GOSR1: variants seen among roughly 807,000 people sequenced by gnomAD.
GOSR1 encodes golgi SNAP receptor complex member 1, also known as 28 kDa Golgi SNARE protein.
A neutral mutation model predicts 35.5 loss-of-function variants in GOSR1; 21 were observed. The observed-to-expected ratio is 0.59, with a 90% confidence interval of 0.42 to 0.85. The LOEUF (loss-of-function observed/expected upper bound fraction) is 0.85, where lower values mean the gene tolerates loss of function less well. GOSR1 is among the 40% of genes least tolerant of loss of function. GOSR1 has a pLI of 0.00. For synonymous variants in GOSR1, 94 were observed against 106.6 expected, an observed-to-expected ratio of 0.88 and a Z score of 0.73; for missense variants, 285 against 309.6, an observed-to-expected ratio of 0.92 and a Z score of 0.60.
At chr17:30,482,073 ATAAT>A (rs989926978) in intron 2 of GOSR1, among the ~76,000 whole-genome samples, 1 of 152,172 alleles carries the variant, frequency 6.6e-6, no homozygotes, top group Non-Finnish European at 1.5e-5. Context: ...TTAAAAAATG[ATAAT>A]TACTCATTCC....
chr17:30,507,870 A>G (rs1418517004), intron 6 of GOSR1, among the ~76,000 whole-genome samples: 1 of 152,234 alleles, frequency 6.6e-6, no homozygotes, highest in Admixed American at 6.5e-5. Context: ...GATGGATTCT[A>G]CTGGTGAAGA....
intron 6 of GOSR1, among the ~76,000 whole-genome samples, chr17:30,501,123 G>A (rs955820350): frequency 1.4e-4 from 22 of 151,796 alleles, no homozygotes; most frequent in Non-Finnish European, 2.1e-4. Context: ...CTCGTGATCC[G>A]CCCGCCTCGG....
intron 1 of GOSR1, chr17:30,478,016 T>C (rs1334230875): frequency 1.4e-6 from 1 of 738,344 alleles, no homozygotes; most frequent in African/African-American, 1.9e-5. Context: ...CAGGACTGGG[T>C]GTTTGAAGGA....
At chr17:30,479,996 T>C (rs1264651851) in intron 1 of GOSR1, 1 of 152,102 alleles carries the variant, frequency 6.6e-6, no homozygotes, top group South Asian at 2.1e-4. Context: ...TAACTTTTTT[T>C]CTTTATGTTC....
chr17:30,477,457 C>T lies in GOSR1; in HGVS notation c.24C>T (p.Tyr8=), dbSNP rs770413644. The T allele has an allele frequency of 8.7e-6, 14 of 1,608,156 alleles. No individual in the cohort carries two copies. Among genetic ancestry groups the T allele is most frequent in the Admixed American group, 1.7e-5 (1 of 59,466 alleles). The stretch of plus-strand genomic sequence containing the variant: ...AGATGGCGGCAGGGACCAGCAGTTA[C>T]TGGGAAGGTGAGGGCGAGAAGGCCT... MAAGTSS[Y]WEDLRKQARQ... Residue 8 remains tyrosine (Y), a synonymous_variant, in exon 1 of 9, where the codon TAC becomes TAT. Coordinates refer to ENST00000451249, the MANE Select transcript of GOSR1 (RefSeq NM_001007025.2).
chr17:30,525,213 T>C lies in GOSR1; in HGVS notation c.*2835T>C, dbSNP rs1438550550. The C allele has an allele frequency of 6.6e-6, 1 of 152,250 alleles. No homozygotes were observed. The highest frequency in any genetic ancestry group is 1.5e-5 in the Non-Finnish European group (1 of 68,044). 9.4% of individuals were successfully genotyped at this position (152,250 alleles called of 1,614,324 possible). On this transcript the variant is annotated 3_prime_UTR_variant, in exon 9 of 9. Coordinates refer to ENST00000451249, the MANE Select transcript of GOSR1 (RefSeq NM_001007025.2). ...ACATCATGGTGTATAGATGCTGTTA[T>C]TCAGGCGAACTTGCTCATGGGTGGA...
At chr17:30,477,947 G>A (rs1443297379) in intron 1 of GOSR1, 1 of 984,818 alleles carries the variant, frequency 1.0e-6, no homozygotes. Context: ...AGTATGAAGA[G>A]AATAGGAGAC....
intron 6 of GOSR1, among the ~76,000 whole-genome samples, chr17:30,497,818 G>A (rs1967054203): frequency 6.6e-6 from 1 of 152,188 alleles, no homozygotes; most frequent in Admixed American, 6.5e-5. Flanking sequence ...CCGCGCTTTA[G>A]GAGGCCGAGG....
chr17:30,484,175 T>C lies in GOSR1; in HGVS notation c.147-39T>C, dbSNP rs190899687. On this transcript the variant is annotated intron_variant, in intron 2 of 8. Transcript: ENST00000451249. The stretch of plus-strand genomic sequence containing the variant: ...TTTTAAGTATGTTTTAAAGGACTGA[T>C]TTGAGTAATGGATCCTCTTTAACTG... 27 of 1,005,844 alleles carry C rather than the reference T, an allele frequency of 2.7e-5. 1 individual carries two copies. The South Asian group carries it at 3.2e-4, about 12-fold the overall frequency. 62.3% of individuals were successfully genotyped at this position (1,005,844 alleles called of 1,614,324 possible). A position where few individuals can be genotyped will look rare whatever the true frequency, so the allele number is the denominator to read the frequency against.
chr17:30,484,795 T>C, intron 4 of GOSR1, 25 bp downstream of exon 4: 1 of 1,224,402 alleles, frequency 8.2e-7, no homozygotes, highest in Non-Finnish European at 1.2e-6. Context: ...TCGAGATGTT[T>C]TCATTATCAC....
At chr17:30,518,569 A>G (rs1967904194) in intron 7 of GOSR1, among the ~76,000 whole-genome samples, 2 of 152,310 alleles carry the variant, frequency 1.3e-5, no homozygotes, top group South Asian at 4.1e-4. Context: ...CCTGCCCTCT[A>G]GGGCTCTAAT....
intron 6 of GOSR1, among the ~76,000 whole-genome samples, chr17:30,508,047 G>A (rs148366714): frequency 3.6e-4 from 55 of 152,304 alleles, no homozygotes; most frequent in African/African-American, 1.3e-3. Context: ...AATCTCTCAA[G>A]GCCCCAGTTT....
chr17:30,481,127 T>C lies in GOSR1; in HGVS notation c.32-16T>C. On this transcript the variant is annotated splice_polypyrimidine_tract_variant and intron_variant, in intron 1 of 8. Coordinates refer to ENST00000451249, the MANE Select transcript of GOSR1 (RefSeq NM_001007025.2). Reference sequence around the variant, plus strand: ...CTTTTTATGTCTAATTATTTGTTGTTATAATTTTGTTAAAGATCTCAGGAA... The same window carrying C: ...CTTTTTATGTCTAATTATTTGTTGTCATAATTTTGTTAAAGATCTCAGGAA... 6.5e-7 allele frequency: 1 copy of C among 1,541,418 alleles called. No individual in the cohort carries two copies. The highest frequency in any genetic ancestry group is 9.0e-7 in the Non-Finnish European group (1 of 1,114,036).
At position 30,522,257 on chromosome 17, in the gene GOSR1, G is replaced by A. The variant is rs748998656; in HGVS notation, c.626G>A (p.Arg209His). 12 of 1,598,822 alleles carry A rather than the reference G, an allele frequency of 7.5e-6. No homozygotes were observed. Among genetic ancestry groups the A allele is most frequent in the African/African-American group, 5.4e-5 (4 of 74,152 alleles). Residue 209 changes from arginine to histidine, a missense_variant, in exon 9 of 9, where the codon CGT (arginine) becomes CAT (histidine). By Grantham distance (29) the Arg-to-His change is conservative (BLOSUM62 0). Coordinates refer to ENST00000451249, the MANE Select transcript of GOSR1 (RefSeq NM_001007025.2). ...IHSKMNTLAN[R>H]FPAVNSLIQR... The stretch of plus-strand genomic sequence containing the variant: ...CCTTAATAAAGATTTCCCAAAGATC[G>A]TTTTCCTGCTGTAAACAGCCTGATC...
At position 30,519,931 on chromosome 17, in the gene GOSR1, C is replaced by G; in HGVS notation, c.540-8C>G. On this transcript the variant is annotated splice_region_variant and splice_polypyrimidine_tract_variant and intron_variant, in intron 7 of 8. Transcript: ENST00000451249. Reference sequence around the variant, plus strand: ...ATGGTGATTTGTCATCTTTTTTTCCCCTTGCAGCATTGCTATGGCAACAAA... The same window carrying G: ...ATGGTGATTTGTCATCTTTTTTTCCGCTTGCAGCATTGCTATGGCAACAAA... The G allele has an allele frequency of 6.4e-7, 1 of 1,560,690 alleles. No homozygotes were observed. Among genetic ancestry groups the G allele is most frequent in the Non-Finnish European group, 8.8e-7 (1 of 1,133,778 alleles).
At chr17:30,510,261 A>G (rs1376714380) in intron 6 of GOSR1, among the ~76,000 whole-genome samples, 1 of 152,120 alleles carries the variant, frequency 6.6e-6, no homozygotes, top group African/African-American at 2.4e-5. Context: ...TTTGGTAGAG[A>G]CAGAGTTTCG....
intron 6 of GOSR1, among the ~76,000 whole-genome samples, chr17:30,499,694 A>G (rs1967133192): frequency 6.6e-6 from 1 of 152,178 alleles, no homozygotes; most frequent in Non-Finnish European, 1.5e-5. Context: ...GTTGTATGGT[A>G]AGGATGTGTT....
intron 1 of GOSR1, chr17:30,479,719 A>G (rs1914207827): frequency 6.6e-6 from 1 of 152,282 alleles, no homozygotes; most frequent in Non-Finnish European, 1.5e-5. Flanking sequence ...CGTGTTAGCT[A>G]GGATGGTCTT....
In GOSR1 at chr17:30,523,276, G is replaced by A. The variant is rs370926577; in HGVS notation, c.*898G>A. 3.5e-3 allele frequency: 552 copies of A among 156,944 alleles called. 1 individual carries two copies. Among genetic ancestry groups the A allele is most frequent in the African/African-American group, 9.6e-3 (355 of 36,856 alleles). 9.7% of individuals were successfully genotyped at this position (156,944 alleles called of 1,614,324 possible). A position where few individuals can be genotyped will look rare whatever the true frequency, so the allele number is the denominator to read the frequency against. ...GAGCGTCTCTGCCCGGCCGCCCATC[G>A]TCTGAGATGTGGGGAGCGCCTCTGC... On this transcript the variant is annotated 3_prime_UTR_variant, in exon 9 of 9. Transcript: ENST00000451249.
Sources: allele counts gnomAD v4.1 joint callset (sites outside exome capture counted in the v4.1 genomes callset), GRCh38; gene constraint gnomAD v4.1.1; transcripts MANE v1.5; gene names NCBI Gene and HGNC (gene_info 2026-07-23, HGNC 2026-07-21).